SCRT2: variants seen among roughly 807,000 people sequenced by gnomAD.
SCRT2 encodes the protein scratch family transcriptional repressor 2, also known as transcriptional repressor scratch 2.
SCRT2 carries 2 observed loss-of-function variants against 3.7 expected under a neutral mutation model. The observed-to-expected ratio is 0.54, with a 90% confidence interval of 0.22 to 1.70. SCRT2 has a LOEUF of 1.70. Ranked by LOEUF, SCRT2 falls within the 40% of genes most tolerant of loss-of-function variation. SCRT2 has a pLI of 0.19. For synonymous variants in SCRT2, 256 were observed against 220.6 expected, an observed-to-expected ratio of 1.16 and a Z score of -1.42; for missense variants, 456 against 468.5, an observed-to-expected ratio of 0.97 and a Z score of 0.25.
In SCRT2 at chr20:663,406, C is replaced by G. The variant is rs962382599; in HGVS notation, c.*265G>C. 2 of 366,088 alleles carry G rather than the reference C, an allele frequency of 5.5e-6. No homozygotes were observed. Among genetic ancestry groups the G allele is most frequent in the Non-Finnish European group, 9.6e-6 (2 of 207,624 alleles). 22.7% of individuals were successfully genotyped at this position (366,088 alleles called of 1,614,324 possible). A position where few individuals can be genotyped will look rare whatever the true frequency, so the allele number is the denominator to read the frequency against. On this transcript the variant is annotated 3_prime_UTR_variant, in exon 2 of 2. Coordinates refer to ENST00000246104, the MANE Select transcript of SCRT2 (RefSeq NM_033129.4). This position sits in a 1 kb window ranked among gnomAD's most constrained non-coding sequence, Gnocchi z 6.9. ...GCGGACCTGGTGCCTGAGTTGGGAG[C>G]CTTGAAGGCGCGGACAGGGGGGTCA...
Position 664,674 on chromosome 20 carries a change from C to G in SCRT2, c.134-213G>C, listed in dbSNP as rs1288240816. Among the ~76,000 whole-genome samples the G allele has an allele frequency of 6.6e-6, 1 of 152,250 alleles. No individual in the cohort carries two copies. Among genetic ancestry groups the G allele is most frequent in the Non-Finnish European group, 1.5e-5 (1 of 68,044 alleles). ...GCAGTGCAAATAGCCGCCACCCCAA[C>G]CCACGGAGCATGGGGCCAGCACGGT... On this transcript the variant is annotated intron_variant, in intron 1 of 1. Coordinates refer to ENST00000246104, the MANE Select transcript of SCRT2 (RefSeq NM_033129.4). This position sits in a 1 kb window ranked among gnomAD's most constrained non-coding sequence, Gnocchi z 7.9.
Position 664,286 on chromosome 20 carries a change from G to T in SCRT2, c.309C>A (p.Thr103=). ...AGAAGGCGTCCATGGAGTAGCTGTC[G>T]GTCACTGCCGCCTCCCCTCGGAAGT... is the stretch of plus-strand genomic sequence containing the variant. ...ARYFRGEAAV[T]DSYSMDAFFI... Residue 103 remains threonine, a synonymous_variant, in exon 2 of 2, where the codon ACC becomes ACA. Transcript: ENST00000246104. The surrounding 1 kb of genome is among the most constrained non-coding windows in gnomAD (Gnocchi z 7.9). 6.8e-7 allele frequency: 1 copy of T among 1,473,366 alleles called. No homozygotes were observed. The highest frequency in any genetic ancestry group is 9.1e-7 in the Non-Finnish European group (1 of 1,100,206). 91.3% of individuals were successfully genotyped at this position (1,473,366 alleles called of 1,614,324 possible).
chr20:671,577 CAG>C (rs1405556885), intron 1 of SCRT2, among the ~76,000 whole-genome samples: 7 of 152,208 alleles, frequency 4.6e-5, no homozygotes, highest in Non-Finnish European at 1.0e-4. Flanking sequence ...GGATGTGTGG[CAG>C]CTGGGGACAT....
chr20:674,216 C>A (rs570855754), intron 1 of SCRT2, among the ~76,000 whole-genome samples: 122 of 152,140 alleles, frequency 8.0e-4, no homozygotes, highest in African/African-American at 2.9e-3. Context: ...CCTGGTGTGG[C>A]AGAGTGATGG....
chr20:666,608 A>C lies in SCRT2; in HGVS notation c.134-2147T>G, dbSNP rs190162128. On this transcript the variant is annotated intron_variant, in intron 1 of 1. Coordinates refer to ENST00000246104, the MANE Select transcript of SCRT2 (RefSeq NM_033129.4). The surrounding 1 kb of genome is among the most constrained non-coding windows in gnomAD (Gnocchi z 4.4). Reference sequence around the variant, plus strand: ...AGGGGTGGAGCAAGGATTGGAATCCACTGCCCCCTTGGTTTCCCACATACT... The same window carrying C: ...AGGGGTGGAGCAAGGATTGGAATCCCCTGCCCCCTTGGTTTCCCACATACT... 1.6e-4 allele frequency among the ~76,000 whole-genome samples: 24 copies of C among 152,298 alleles called. No individual in the cohort carries two copies. In the East Asian group the frequency reaches 3.9e-3, roughly 24 times the overall value.
At position 663,686 on chromosome 20, in the gene SCRT2, G is replaced by T; in HGVS notation, c.909C>A (p.Ala303=). The change falls in exon 2 of 2, where the codon GCC becomes GCA. Residue 303 remains alanine (A), a synonymous_variant. Coordinates refer to ENST00000246104, the MANE Select transcript of SCRT2 (RefSeq NM_033129.4). This position sits in a 1 kb window ranked among gnomAD's most constrained non-coding sequence, Gnocchi z 6.9. ...KAAEPPPPTP[A]GPAS is the part of the protein sequence containing the mutation. ...GGCGGAAGGCTCAGCTGGCCGGGCC[G>T]GCGGGGGTCGGCGGGGGTGGCTCGG... The T allele has an allele frequency of 6.7e-7, 1 of 1,501,504 alleles. No individual in the cohort carries two copies. The highest frequency in any genetic ancestry group is 8.9e-7 in the Non-Finnish European group (1 of 1,126,548). 93.0% of individuals were successfully genotyped at this position (1,501,504 alleles called of 1,614,324 possible). A position where few individuals can be genotyped will look rare whatever the true frequency, so the allele number is the denominator to read the frequency against.
intron 1 of SCRT2, among the ~76,000 whole-genome samples, chr20:671,351 G>C (rs1984324865): frequency 6.6e-6 from 1 of 152,188 alleles, no homozygotes; most frequent in Non-Finnish European, 1.5e-5. Flanking sequence ...CCTTGACCTA[G>C]ACTTTGAACC....
At position 675,613 on chromosome 20, in the gene SCRT2, C is replaced by CGCGGGGCTCGGT. The variant is rs1984512077; in HGVS notation, c.-24_-13dup. The CGCGGGGCTCGGT allele has an allele frequency of 6.2e-6, 8 of 1,284,076 alleles. No individual in the cohort carries two copies. Among genetic ancestry groups the CGCGGGGCTCGGT allele is most frequent in the Non-Finnish European group, 5.9e-6 (6 of 1,009,066 alleles). The allele number at this position is 1,284,076 out of a possible 1,614,324, so 79.5% of individuals were successfully genotyped here. A position where few individuals can be genotyped will look rare whatever the true frequency, so the allele number is the denominator to read the frequency against. On this transcript the variant is annotated 5_prime_UTR_variant, in exon 1 of 2. Transcript: ENST00000246104. The surrounding 1 kb of genome is among the most constrained non-coding windows in gnomAD (Gnocchi z 6.9). The stretch of plus-strand genomic sequence containing the variant: ...AAGGAGCGCGGCATGGCGCGGCCGG[C>CGCGGGGCTCGGT]GCGGGGCTCGGTGCGGGGAGGCGGC...
rs1445330675 is a variant in SCRT2, at chr20:664,729, C to G, written c.134-268G>C. 6.6e-6 allele frequency among the ~76,000 whole-genome samples: 1 copy of G among 152,236 alleles called. No individual in the cohort carries two copies. Among genetic ancestry groups the G allele is most frequent in the African/African-American group, 2.4e-5 (1 of 41,464 alleles). ...CAGAGCGTACCTTCACTATCCAGTG[C>G]TCACAACCGCGGAGTGATGGTCTTA... On this transcript the variant is annotated intron_variant, in intron 1 of 1. Transcript: ENST00000246104. The surrounding 1 kb of genome is among the most constrained non-coding windows in gnomAD (Gnocchi z 7.9).
rs531164027 is a variant in SCRT2 at position 664,118 on chromosome 20, C to T, written c.477G>A (p.Glu159=). Residue 159 remains glutamate (E), a synonymous_variant, in exon 2 of 2, where the codon GAG becomes GAA. Transcript: ENST00000246104. This position sits in a 1 kb window ranked among gnomAD's most constrained non-coding sequence, Gnocchi z 7.9. Reference sequence around the variant, plus strand: ...ACGACGTGGCGTAGGTCTTGCCGCACTCGGCGCACGCGTGCCGGTGCCCGC... The same window carrying T: ...ACGACGTGGCGTAGGTCTTGCCGCATTCGGCGCACGCGTGCCGGTGCCCGC... ...AGGGHRHACA[E]CGKTYATSSN... is the part of the protein sequence containing the mutation. The T allele has an allele frequency of 6.3e-6, 10 of 1,593,570 alleles. No homozygotes were observed. Among genetic ancestry groups the T allele is most frequent in the Non-Finnish European group, 7.7e-6 (9 of 1,173,918 alleles).
chr20:664,220 G>A lies in SCRT2; in HGVS notation c.375C>T (p.Gly125=). The change falls in exon 2 of 2, where the codon GGC becomes GGT. Residue 125 remains glycine, a synonymous_variant. Transcript: ENST00000246104. This position sits in a 1 kb window ranked among gnomAD's most constrained non-coding sequence, Gnocchi z 7.9. ...DGRSRRRRGG[G]GGDAGGSGDA... ...CTCCCGAGCCCCCCGCGTCCCCGCC[G>A]CCCCCGCCCCGCCGCCGCCGCGAGC... The A allele has an allele frequency of 1.1e-6, 1 of 920,338 alleles. No homozygotes were observed. The highest frequency in any genetic ancestry group is 1.4e-6 in the Non-Finnish European group (1 of 693,458). 57.0% of individuals were successfully genotyped at this position (920,338 alleles called of 1,614,324 possible).
At position 667,360 on chromosome 20, in the gene SCRT2, C is replaced by T. The variant is rs915509873; in HGVS notation, c.134-2899G>A. Among the ~76,000 whole-genome samples the T allele has an allele frequency of 6.6e-6, 1 of 152,202 alleles. No individual in the cohort carries two copies. Among genetic ancestry groups the T allele is most frequent in the African/African-American group, 2.4e-5 (1 of 41,446 alleles). On this transcript the variant is annotated intron_variant, in intron 1 of 1. Transcript: ENST00000246104. This position sits in a 1 kb window ranked among gnomAD's most constrained non-coding sequence, Gnocchi z 4.4. ...GCTCAGTGGCTGGCACATTTTAAATCCACCACGCATGTTGGCTGTTATTAT... is the reference window on the plus strand; with the variant it reads ...GCTCAGTGGCTGGCACATTTTAAATTCACCACGCATGTTGGCTGTTATTAT...
intron 1 of SCRT2, among the ~76,000 whole-genome samples, chr20:672,277 G>C (rs4258868): frequency 6.6e-6 from 1 of 152,114 alleles, no homozygotes; most frequent in African/African-American, 2.4e-5. Context: ...CCCTGTTTAG[G>C]AGTTCTGTGG....
At chr20:670,857 T>C (rs992941858) in intron 1 of SCRT2, among the ~76,000 whole-genome samples, 1 of 152,174 alleles carries the variant, frequency 6.6e-6, no homozygotes, top group Non-Finnish European at 1.5e-5. Context: ...GTTCCCAGAT[T>C]CCATATCTCA....
intron 1 of SCRT2, among the ~76,000 whole-genome samples, chr20:671,170 T>C (rs980514126): frequency 2.6e-5 from 4 of 152,172 alleles, no homozygotes; most frequent in Non-Finnish European, 5.9e-5. Flanking sequence ...TGTTCATAGG[T>C]ATTGAAATTT....
In SCRT2 at chr20:675,053, T is replaced by C. The variant is rs1984483124; in HGVS notation, c.133+416A>G. On this transcript the variant is annotated intron_variant, in intron 1 of 1. Coordinates refer to ENST00000246104, the MANE Select transcript of SCRT2 (RefSeq NM_033129.4). The surrounding 1 kb of genome is among the most constrained non-coding windows in gnomAD (Gnocchi z 6.9). ...ACCCTGTCTCTCCAGGGACTGAACA[T>C]CCAGGGCTCTTTACCTTCCCCCTTC... Among the ~76,000 whole-genome samples the C allele has an allele frequency of 6.6e-6, 1 of 151,988 alleles. No individual in the cohort carries two copies. The highest frequency in any genetic ancestry group is 1.5e-5 in the Non-Finnish European group (1 of 67,978).
intron 1 of SCRT2, among the ~76,000 whole-genome samples, chr20:670,778 A>G (rs1984307765): frequency 6.6e-6 from 1 of 152,296 alleles, no homozygotes; most frequent in South Asian, 2.1e-4. Flanking sequence ...GAGACTATCT[A>G]AAGTGTGGAA....
Position 666,235 on chromosome 20 carries a change from C to T in SCRT2, c.134-1774G>A, listed in dbSNP as rs1182445098. Among the ~76,000 whole-genome samples the T allele has an allele frequency of 2.6e-5, 4 of 152,082 alleles. No individual in the cohort carries two copies. Among genetic ancestry groups the T allele is most frequent in the Admixed American group, 6.5e-5 (1 of 15,280 alleles). Reference sequence around the variant, plus strand: ...TCTGGGGAGAGGAGATGCCCAGCCTCTCCGCACCCTATGTCTCCCGTCCCA... The same window carrying T: ...TCTGGGGAGAGGAGATGCCCAGCCTTTCCGCACCCTATGTCTCCCGTCCCA... On this transcript the variant is annotated intron_variant, in intron 1 of 1. Transcript: ENST00000246104. The surrounding 1 kb of genome is among the most constrained non-coding windows in gnomAD (Gnocchi z 4.4).
chr20:670,152 G>C (rs750631237), intron 1 of SCRT2, among the ~76,000 whole-genome samples: 4 of 152,192 alleles, frequency 2.6e-5, no homozygotes, highest in Non-Finnish European at 5.9e-5. Context: ...AGATTTTTCA[G>C]GGGGGTATGG....
Sources: allele counts gnomAD v4.1 joint callset (sites outside exome capture counted in the v4.1 genomes callset), GRCh38; gene constraint gnomAD v4.1.1; non-coding constraint Gnocchi (gnomAD v3.1); transcripts MANE v1.5; gene names NCBI Gene and HGNC (gene_info 2026-07-23, HGNC 2026-07-21).